The following BLOC1S6 variants were observed in gnomAD, a reference collection of about 807,000 sequenced individuals.
The protein encoded by BLOC1S6 is biogenesis of lysosomal organelles complex 1 subunit 6.
Under a neutral mutation model 24.7 loss-of-function variants are expected in BLOC1S6, and 24 were observed. That is an observed-to-expected ratio of 0.97 (90% CI 0.70 to 1.37). The LOEUF (loss-of-function observed/expected upper bound fraction) is 1.37. Among genes scored for constraint, BLOC1S6 ranks in the 40% most tolerant of loss-of-function variants. The pLI is 0.00. For missense variants in BLOC1S6, 175 were observed against 196.2 expected (o/e 0.89, Z 0.64); for synonymous variants, 76 against 72.6 (o/e 1.05, Z -0.23).
At chr15:45,606,276 A>C (rs1894455983) in intron 4 of BLOC1S6, 119 bp from the exon 5 acceptor site, 21 of 1,387,834 alleles carry the variant, frequency 1.5e-5, no homozygotes, top group Non-Finnish European at 2.0e-5. Context: ...TAAATGTCCA[A>C]GATGAAGTTT....
chr15:45,592,308 T>C, intron 2 of BLOC1S6, 32 bp downstream of exon 2: 1 of 1,611,270 alleles, frequency 6.2e-7, no homozygotes, highest in South Asian at 1.1e-5. Flanking sequence ...TATACACTCA[T>C]TTCCTCTGTG....
At chr15:45,592,881 G>A (rs1312720813) in intron 2 of BLOC1S6, among the ~76,000 whole-genome samples, 1 of 152,118 alleles carries the variant, frequency 6.6e-6, no homozygotes, top group South Asian at 2.1e-4. Context: ...CTCCTGGGTC[G>A]GGACCTCTCT....
intron 1 of BLOC1S6, 147 bp from the exon 2 acceptor site, chr15:45,591,987 TG>T: frequency 1.1e-6 from 1 of 883,716 alleles, no homozygotes; most frequent in Non-Finnish European, 1.7e-6. Flanking sequence ...AGGTTCCGGC[TG>T]GTCAGAGTGC....
upstream of BLOC1S6, chr15:45,587,367 G>C: frequency 4.3e-6 from 6 of 1,379,318 alleles, no homozygotes; most frequent in Non-Finnish European, 6.1e-6. Context: ...CCGGCCAGCC[G>C]CTGGAGTCGT....
intron 3 of BLOC1S6, 60 bp downstream of exon 3, chr15:45,603,247 TAGC>T: frequency 2.8e-6 from 3 of 1,077,818 alleles, no homozygotes; most frequent in African/African-American, 5.6e-5. Context: ...AGCTAAGACT[TAGC>T]TAAGCAATAG....
intron 1 of BLOC1S6, 36 bp from the exon 2 acceptor site, chr15:45,592,099 T>C: frequency 6.2e-7 from 1 of 1,611,506 alleles, no homozygotes; most frequent in Non-Finnish European, 8.5e-7. Context: ...ATAAAATAAA[T>C]AAAAGGTTCC....
At position 45,595,628 on chromosome 15, in the gene BLOC1S6, T is replaced by C. The variant is rs1894043517; in HGVS notation, c.224+3352T>C. Reference sequence around the variant, plus strand: ...GCAGAGCAGGAGTTTTTAATTTTAATAAATTTATTTAATAAATAAGAAAAA... The same window carrying C: ...GCAGAGCAGGAGTTTTTAATTTTAACAAATTTATTTAATAAATAAGAAAAA... On this transcript the variant is annotated intron_variant, in intron 2 of 4. Coordinates refer to ENST00000220531, the MANE Select transcript of BLOC1S6 (RefSeq NM_012388.4). Among the ~76,000 whole-genome samples the C allele has an allele frequency of 2.0e-5, 3 of 152,070 alleles. No homozygotes were observed. The East Asian group carries it at 5.8e-4, about 29-fold the overall frequency.
At chr15:45,589,080 C>T (rs1417526407) in intron 1 of BLOC1S6, among the ~76,000 whole-genome samples, 1 of 152,224 alleles carries the variant, frequency 6.6e-6, no homozygotes, top group Non-Finnish European at 1.5e-5. Flanking sequence ...CTCACTGCAG[C>T]ATTGTCTGAA....
Position 45,608,852 on chromosome 15 carries a change from T to C in BLOC1S6, c.*2338T>C, listed in dbSNP as rs2140923607. On this transcript the variant is annotated 3_prime_UTR_variant, in exon 5 of 5. Transcript: ENST00000220531. ...GCTACCCAGTAACTCTTGGGATTAATTTTATGAAATAAATTCTGAGCTGCT... is the reference window on the plus strand; with the variant it reads ...GCTACCCAGTAACTCTTGGGATTAACTTTATGAAATAAATTCTGAGCTGCT... 6.6e-6 allele frequency: 1 copy of C among 152,320 alleles called. No homozygotes were observed. Among genetic ancestry groups the C allele is most frequent in the South Asian group, 2.1e-4 (1 of 4,830 alleles). 9.4% of individuals were successfully genotyped at this position (152,320 alleles called of 1,614,324 possible).
chr15:45,604,024 A>G (rs947371169), intron 3 of BLOC1S6, among the ~76,000 whole-genome samples: 10 of 152,172 alleles, frequency 6.6e-5, no homozygotes, highest in African/African-American at 2.4e-4. Flanking sequence ...GAATTAACCA[A>G]AAAAAGGAAC....
intron 2 of BLOC1S6, among the ~76,000 whole-genome samples, chr15:45,595,031 A>G (rs1249906686): frequency 6.6e-6 from 1 of 152,108 alleles, no homozygotes; most frequent in Non-Finnish European, 1.5e-5. Flanking sequence ...GTTCCTGAAC[A>G]CAAAACTTTT....
Position 45,606,452 on chromosome 15 carries a change from C to G in BLOC1S6, c.457C>G (p.Gln153Glu). ...RQKEELEREQQREKEFEREKQ... is the reference protein window; with the variant it reads ...RQKEELEREQEREKEFEREKQ... The stretch of plus-strand genomic sequence containing the variant: ...AAAAGAAGAGTTGGAAAGGGAGCAG[C>G]AACGAGAGAAGGAGTTTGAAAGAGA... The change falls in exon 5 of 5, where the codon CAA becomes GAA. Residue 153 changes from glutamine to glutamate, a missense_variant. Transcript: ENST00000220531. 1 of 1,613,998 alleles carries G rather than the reference C, an allele frequency of 6.2e-7. No homozygotes were observed. The highest frequency in any genetic ancestry group is 8.5e-7 in the Non-Finnish European group (1 of 1,179,994).
intron 1 of BLOC1S6, among the ~76,000 whole-genome samples, chr15:45,590,412 T>C (rs2140902659): frequency 6.6e-6 from 1 of 150,376 alleles, no homozygotes; most frequent in East Asian, 1.9e-4. Flanking sequence ...CTCAATCTTT[T>C]TTTTTTTTTT....
intron 2 of BLOC1S6, chr15:45,602,424 T>G (rs1360846749): frequency 3.2e-6 from 2 of 626,228 alleles, no homozygotes; most frequent in Non-Finnish European, 5.7e-6. Context: ...TAACATTGAT[T>G]GATGTGTAAA....
At chr15:45,606,298 T>C in intron 4 of BLOC1S6, 97 bp from the exon 5 acceptor site, 1 of 1,497,506 alleles carries the variant, frequency 6.7e-7, no homozygotes, top group Non-Finnish European at 9.2e-7. Flanking sequence ...TTAGTGTGAA[T>C]GAATTACCTC....
chr15:45,603,302 C>G (rs903877204), intron 3 of BLOC1S6, 115 bp downstream of exon 3: 1 of 651,302 alleles, frequency 1.5e-6, no homozygotes, highest in Non-Finnish European at 2.7e-6. Flanking sequence ...AACAAGAAAC[C>G]TTGATTGAAC....
intron 1 of BLOC1S6, among the ~76,000 whole-genome samples, chr15:45,590,510 C>T (rs1360830867): frequency 6.6e-6 from 1 of 151,118 alleles, no homozygotes; most frequent in South Asian, 2.1e-4. Flanking sequence ...CAAGTTCAAG[C>T]AATTCTTGTG....
chr15:45,589,676 A>G (rs1419598052), intron 1 of BLOC1S6, among the ~76,000 whole-genome samples: 1 of 152,218 alleles, frequency 6.6e-6, no homozygotes, highest in Non-Finnish European at 1.5e-5. Context: ...AACCTGGTAC[A>G]TAATATAGAT....
At chr15:45,587,630 C>A in intron 1 of BLOC1S6, 105 bp downstream of exon 1, 2 of 1,169,212 alleles carry the variant, frequency 1.7e-6, no homozygotes, top group Non-Finnish European at 2.4e-6. Flanking sequence ...CGGTTTTTGG[C>A]GGCTGCGGCC....
Sources: allele counts gnomAD v4.1 joint callset (sites outside exome capture counted in the v4.1 genomes callset), GRCh38; gene constraint gnomAD v4.1.1; transcripts MANE v1.5; gene names NCBI Gene and HGNC (gene_info 2026-07-23, HGNC 2026-07-21).